The following ANKMY2 variants were observed in gnomAD, a reference collection of about 807,000 sequenced individuals.
The protein encoded by ANKMY2 is ankyrin repeat and MYND domain-containing protein 2.
A neutral mutation model predicts 50.4 loss-of-function variants in ANKMY2; 36 were observed. The observed-to-expected ratio is 0.71, with a 90% CI of 0.55 to 0.94. The LOEUF (loss-of-function observed/expected upper bound fraction) is 0.94, where lower values mean the gene tolerates loss of function less well. ANKMY2 is among the 40% of genes least tolerant of loss of function. The probability of loss-of-function intolerance (pLI) is 0.00; values close to 1 mark genes in which losing one functional copy is unlikely to be tolerated. For missense variants in ANKMY2, 565 were observed against 524.0 expected, an observed-to-expected ratio of 1.08 and a Z score of -0.76; for synonymous variants, 187 against 178.8, an observed-to-expected ratio of 1.05 and a Z score of -0.36.
chr7:16,619,177 G>T (rs1395294000), intron 4 of ANKMY2, among the ~76,000 whole-genome samples: 2 of 149,888 alleles, frequency 1.3e-5, no homozygotes, highest in African/African-American at 4.9e-5. Flanking sequence ...TTTTGAGATG[G>T]AGTTTTGCTC....
intron 5 of ANKMY2, among the ~76,000 whole-genome samples, chr7:16,611,066 T>G (rs1781242892): frequency 6.6e-6 from 1 of 152,198 alleles, no homozygotes; most frequent in Non-Finnish European, 1.5e-5. Context: ...TCTGTTAAAT[T>G]CACTTTTACT....
intron 3 of ANKMY2, among the ~76,000 whole-genome samples, chr7:16,625,415 G>C (rs1260788597): frequency 3.3e-5 from 5 of 152,092 alleles, no homozygotes; most frequent in Non-Finnish European, 7.4e-5. Context: ...TTTTTAAAAA[G>C]AGATAAAATG....
intron 8 of ANKMY2, 60 bp downstream of exon 8, chr7:16,604,661 T>A (rs974578700): frequency 1.9e-6 from 3 of 1,564,398 alleles, no homozygotes; most frequent in Non-Finnish European, 2.6e-6. Flanking sequence ...TAAAACTCAA[T>A]CATCAGCTTG....
chr7:16,622,532 T>C (rs752815039), intron 4 of ANKMY2, among the ~76,000 whole-genome samples: 1 of 151,168 alleles, frequency 6.6e-6, no homozygotes, highest in Non-Finnish European at 1.5e-5. Context: ...AGGTCAGGAG[T>C]TCAAGACCAG....
At chr7:16,645,448 G>C in intron 1 of ANKMY2, 59 bp downstream of exon 1, 1 of 1,528,398 alleles carries the variant, frequency 6.5e-7, no homozygotes, top group Non-Finnish European at 8.8e-7. Context: ...CGCCCCCCGG[G>C]CTCCGCCACG....
At chr7:16,640,578 G>C (rs1781730973) in intron 1 of ANKMY2, among the ~76,000 whole-genome samples, 1 of 152,140 alleles carries the variant, frequency 6.6e-6, no homozygotes, top group Non-Finnish European at 1.5e-5. Flanking sequence ...CTGGAGTGCA[G>C]TGGCATGATC....
intron 4 of ANKMY2, among the ~76,000 whole-genome samples, chr7:16,616,793 G>A (rs1415407520): frequency 6.6e-6 from 1 of 152,266 alleles, no homozygotes; most frequent in Admixed American, 6.5e-5. Context: ...CGCTCCCGGA[G>A]AGTGGTTCCC....
intron 5 of ANKMY2, among the ~76,000 whole-genome samples, chr7:16,614,575 G>C (rs1781310748): frequency 6.6e-6 from 1 of 152,166 alleles, no homozygotes; most frequent in South Asian, 2.1e-4. Flanking sequence ...GCACAGGGAT[G>C]CATCAACAAA....
chr7:16,604,476 C>T (rs546568604), intron 8 of ANKMY2, among the ~76,000 whole-genome samples: 1 of 152,286 alleles, frequency 6.6e-6, no homozygotes, highest in South Asian at 2.1e-4. Context: ...CCTTTCTTTC[C>T]ATGAGGTGAT....
At chr7:16,601,091 G>T in intron 9 of ANKMY2, 146 bp from the exon 10 acceptor site, 1 of 586,338 alleles carries the variant, frequency 1.7e-6, no homozygotes, top group Non-Finnish European at 2.5e-6. Flanking sequence ...TTTTACAAAT[G>T]AGAAAACTGA....
In ANKMY2 at chr7:16,606,429, T is replaced by TAA. The variant is rs112705631; in HGVS notation, c.883-1582_883-1581dup. Among the ~76,000 whole-genome samples, 1,444 of 148,444 alleles carry TAA rather than the reference T, an allele frequency of 9.7e-3. 28 individuals are homozygous for TAA. The highest frequency in any genetic ancestry group is 0.033 in the African/African-American group (1,349 of 40,592). ...TGGTGACAGTGCAAGACCTTGTATT[T>TAA]AAAAAAAAAAAAATTATAAGGGTAA... On this transcript the variant is annotated intron_variant, in intron 7 of 9. Transcript: ENST00000306999.
chr7:16,628,981 T>G (rs1048762558), intron 2 of ANKMY2, among the ~76,000 whole-genome samples: 2 of 152,140 alleles, frequency 1.3e-5, no homozygotes, highest in African/African-American at 4.8e-5. Flanking sequence ...TGTAATAATC[T>G]GCTTAAGAGC....
In ANKMY2 at chr7:16,602,349, A is replaced by G. The variant is rs1369438425; in HGVS notation, c.1141+31T>C. On this transcript the variant is annotated intron_variant, in intron 9 of 9. Coordinates refer to ENST00000306999, the MANE Select transcript of ANKMY2 (RefSeq NM_020319.3). ...CCTATCATCTCTCTCTCCACTAAAAAGCAGAGTGAACTCGGTTTTTATATA... is the reference window on the plus strand; with the variant it reads ...CCTATCATCTCTCTCTCCACTAAAAGGCAGAGTGAACTCGGTTTTTATATA... 3 of 1,603,862 alleles carry G rather than the reference A, an allele frequency of 1.9e-6. No homozygotes were observed. In the East Asian group the frequency reaches 6.7e-5, roughly 36 times the overall value.
At chr7:16,639,156 G>C (rs1404443665) in intron 1 of ANKMY2, among the ~76,000 whole-genome samples, 2 of 152,188 alleles carry the variant, frequency 1.3e-5, no homozygotes, top group Admixed American at 1.3e-4. Flanking sequence ...AATTATAGAA[G>C]GTCCAGAATA....
Position 16,615,854 on chromosome 7 carries a change from G to GTC in ANKMY2, c.419_420dup (p.Leu141AspfsTer40). 1 of 1,614,094 alleles carries GTC rather than the reference G, an allele frequency of 6.2e-7. No individual in the cohort carries two copies. Among genetic ancestry groups the GTC allele is most frequent in the South Asian group, 1.1e-5 (1 of 91,072 alleles). On this transcript the variant is annotated frameshift_variant, in exon 5 of 10. Transcript: ENST00000306999. LOFTEE classifies it high-confidence loss of function. ...CCCTGGGGCTTAGTGTAATAATCCA[G>GTC]TCTCTCTCGAGGAAAGAAATTGTTG...
At chr7:16,631,030 A>G (rs192113845) in intron 2 of ANKMY2, among the ~76,000 whole-genome samples, 3 of 152,342 alleles carry the variant, frequency 2.0e-5, no homozygotes, top group Admixed American at 6.5e-5. Flanking sequence ...CTATTTGAAC[A>G]TTAAATATGA....
At chr7:16,628,530 T>C (rs1247505216) in intron 2 of ANKMY2, among the ~76,000 whole-genome samples, 1 of 128,252 alleles carries the variant, frequency 7.8e-6, no homozygotes, top group Non-Finnish European at 1.7e-5. Context: ...TGGGTGGGTG[T>C]GGGTAAATCT....
intron 1 of ANKMY2, among the ~76,000 whole-genome samples, chr7:16,637,543 A>T (rs1440235480): frequency 6.6e-6 from 1 of 151,946 alleles, no homozygotes; most frequent in African/African-American, 2.4e-5. Flanking sequence ...GATAGCAGCT[A>T]TTTTTTTTAT....
In ANKMY2 at chr7:16,645,637, T is replaced by C. The variant is rs926304050; in HGVS notation, c.-64A>G. The stretch of plus-strand genomic sequence containing the variant: ...AGTATTAAAAAAGAAACGATGCGTC[T>C]GTATTGGGAACGCCAGCCGCAATGA... On this transcript the variant is annotated 5_prime_UTR_variant, in exon 1 of 10. Coordinates refer to ENST00000306999, the MANE Select transcript of ANKMY2 (RefSeq NM_020319.3). 3 of 1,555,736 alleles carry C rather than the reference T, an allele frequency of 1.9e-6. No individual in the cohort carries two copies. The highest frequency in any genetic ancestry group is 2.6e-6 in the Non-Finnish European group (3 of 1,148,436).
Sources: gnomAD v4.1 joint callset for allele counts (sites outside exome capture counted in the v4.1 genomes callset) on GRCh38, gnomAD v4.1.1 for gene constraint, MANE v1.5 for transcripts, NCBI Gene and HGNC (gene_info 2026-07-23, HGNC 2026-07-21) for gene names.